Variants in ERC2 observed in about 807,000 individuals in gnomAD.
ERC2 encodes ELKS/RAB6-interacting/CAST family member 2.
In ERC2, 42 loss-of-function variants were observed where a neutral mutation model predicts 114.8. The observed-to-expected ratio is 0.37, with a 90% CI of 0.29 to 0.47. ERC2 has a LOEUF of 0.47. Ranked by LOEUF, ERC2 falls within the 20% of genes least tolerant of loss-of-function variation. ERC2 has a pLI of 0.99. For missense variants in ERC2, 939 were observed against 1,150.7 expected (o/e 0.82, Z 2.66); for synonymous variants, 454 against 425.5 (o/e 1.07, Z -0.82).
At chr3:56,403,691 C>T (rs190539944) in intron 2 of ERC2, among the ~76,000 whole-genome samples, 1 of 152,154 alleles carries the variant, frequency 6.6e-6, no homozygotes, top group Non-Finnish European at 1.5e-5. Flanking sequence ...AGCACAGTAC[C>T]GAAAGACCCA....
chr3:56,008,361 G>T (rs2072664190), intron 9 of ERC2, among the ~76,000 whole-genome samples: 1 of 152,154 alleles, frequency 6.6e-6, no homozygotes, highest in Non-Finnish European at 1.5e-5. Context: ...GGAAACTGAG[G>T]CTCACAAGAG....
At chr3:56,181,889 G>A (rs1203481451) in intron 3 of ERC2, among the ~76,000 whole-genome samples, 2 of 152,266 alleles carry the variant, frequency 1.3e-5, no homozygotes, top group Non-Finnish European at 2.9e-5. Flanking sequence ...CCCTGCGAAT[G>A]AGCCATCAAA....
At chr3:56,063,292 G>T (rs1027511319) in intron 7 of ERC2, among the ~76,000 whole-genome samples, 1 of 152,134 alleles carries the variant, frequency 6.6e-6, no homozygotes, top group African/African-American at 2.4e-5. Context: ...TTGTGAAGGG[G>T]CTTACATTAC....
At chr3:55,696,927 A>G (rs770691555) in intron 16 of ERC2, among the ~76,000 whole-genome samples, 2 of 152,212 alleles carry the variant, frequency 1.3e-5, no homozygotes, top group Non-Finnish European at 2.9e-5. Context: ...GATGACTTCA[A>G]TTTAAAACCA....
chr3:56,207,091 G>T (rs1282796124), intron 3 of ERC2, among the ~76,000 whole-genome samples: 1 of 152,006 alleles, frequency 6.6e-6, no homozygotes, highest in Admixed American at 6.6e-5. Flanking sequence ...CATTAGTTGC[G>T]GCTCTCACTG....
chr3:56,170,336 G>C (rs2082565362), intron 4 of ERC2, among the ~76,000 whole-genome samples: 1 of 152,090 alleles, frequency 6.6e-6, no homozygotes, highest in African/African-American at 2.4e-5. Flanking sequence ...GTTCACCCCA[G>C]AAAAACATAT....
chr3:56,384,373 G>GT (rs554402737), intron 2 of ERC2, among the ~76,000 whole-genome samples: 1 of 151,930 alleles, frequency 6.6e-6, no homozygotes, highest in Non-Finnish European at 1.5e-5. Flanking sequence ...TTGCTATTTT[G>GT]TTTTTTGTAA....
intron 17 of ERC2, among the ~76,000 whole-genome samples, chr3:55,526,365 C>T (rs2107240782): frequency 6.6e-6 from 1 of 152,274 alleles, no homozygotes; most frequent in African/African-American, 2.4e-5. Context: ...AGTTCTGCTG[C>T]ACTGCTCCCA....
chr3:55,852,895 T>C (rs985955498), intron 14 of ERC2, among the ~76,000 whole-genome samples: 1 of 152,226 alleles, frequency 6.6e-6, no homozygotes, highest in Non-Finnish European at 1.5e-5. Flanking sequence ...ATTTGGCACC[T>C]TGACATTTGG....
chr3:55,540,811 C>T (rs1462273523), intron 17 of ERC2, among the ~76,000 whole-genome samples: 1 of 152,190 alleles, frequency 6.6e-6, no homozygotes, highest in Non-Finnish European at 1.5e-5. Context: ...CGGACCGGCA[C>T]CCCACAGACC....
At chr3:55,560,670 T>C (rs139381324) in intron 17 of ERC2, among the ~76,000 whole-genome samples, 2,141 of 152,286 alleles carry the variant, frequency 0.014, 30 homozygotes, top group Middle Eastern at 0.027. Flanking sequence ...AGCTTAGTGC[T>C]GATGGAATTC....
chr3:56,380,458 C>T (rs534838200), intron 2 of ERC2, among the ~76,000 whole-genome samples: 4 of 152,218 alleles, frequency 2.6e-5, no homozygotes, highest in African/African-American at 9.6e-5. Flanking sequence ...CACTCCTCAC[C>T]GAGAAGTTCT....
At chr3:56,054,192 C>T (rs76745930) in intron 7 of ERC2, among the ~76,000 whole-genome samples, 2,806 of 152,290 alleles carry the variant, frequency 0.018, 86 homozygotes, top group African/African-American at 0.063. Context: ...ACCTGCCTCC[C>T]GACCCATTGC....
At chr3:55,915,385 T>C (rs1559864288) in intron 13 of ERC2, among the ~76,000 whole-genome samples, 1 of 152,154 alleles carries the variant, frequency 6.6e-6, no homozygotes, top group East Asian at 1.9e-4. Flanking sequence ...AGGGCTGTTA[T>C]GGAGGTATGT....
Position 55,681,720 on chromosome 3 carries a change from A to AT in ERC2, c.*39+2073dup, listed in dbSNP as rs560442595. ...ATTGACTAAATTTCTAAAAACATTT[A>AT]TTTTCTGGTGTGCATGGCATTTGGG... On this transcript the variant is annotated intron_variant, in intron 17 of 17. Transcript: ENST00000288221. Among the ~76,000 whole-genome samples, 85 of 152,326 alleles carry AT rather than the reference A, an allele frequency of 5.6e-4. 1 individual carries two copies. Among genetic ancestry groups the AT allele is most frequent in the South Asian group, 5.4e-3 (26 of 4,826 alleles).
chr3:56,050,317 T>C (rs1446299707), intron 7 of ERC2, among the ~76,000 whole-genome samples: 1 of 152,168 alleles, frequency 6.6e-6, no homozygotes, highest in Non-Finnish European at 1.5e-5. Flanking sequence ...GCTATTTCTA[T>C]ACAACTGTCT....
intron 14 of ERC2, among the ~76,000 whole-genome samples, chr3:55,878,219 A>T (rs930187520): frequency 6.6e-6 from 1 of 152,202 alleles, no homozygotes; most frequent in Non-Finnish European, 1.5e-5. Flanking sequence ...AGCTCAGAAA[A>T]TGTTTGTATT....
At chr3:56,134,919 T>G (rs943098666) in intron 6 of ERC2, among the ~76,000 whole-genome samples, 4 of 105,036 alleles carry the variant, frequency 3.8e-5, no homozygotes, top group East Asian at 3.8e-4. Flanking sequence ...TCTTTTTTTT[T>G]GTTTTTTTTT....
At chr3:55,537,856 A>G (rs2054101025) in intron 17 of ERC2, among the ~76,000 whole-genome samples, 1 of 152,230 alleles carries the variant, frequency 6.6e-6, no homozygotes, top group Non-Finnish European at 1.5e-5. Context: ...AAGAAGTCCA[A>G]AAATGGACCA....
Sources: allele counts gnomAD v4.1 joint callset (sites outside exome capture counted in the v4.1 genomes callset), GRCh38; gene constraint gnomAD v4.1.1; transcripts MANE v1.5; gene names NCBI Gene and HGNC (gene_info 2026-07-23, HGNC 2026-07-21).